The following BAZ2B variants were observed in gnomAD, a reference collection of about 807,000 sequenced individuals.
The protein encoded by BAZ2B is bromodomain adjacent to zinc finger domain 2B.
BAZ2B carries 91 observed loss-of-function variants against 246.0 expected under a neutral mutation model. The ratio of observed to expected loss-of-function variants is 0.37; its 90% confidence interval spans 0.31 to 0.44. BAZ2B has a LOEUF of 0.44. Ranked by LOEUF, BAZ2B falls within the 20% of genes least tolerant of loss-of-function variation. The pLI is 1.00. For synonymous variants in BAZ2B, 855 were observed against 860.0 expected (o/e 0.99, Z 0.10); for missense variants, 2,332 against 2,533.7 (o/e 0.92, Z 1.71).
chr2:159,514,981 C>G (rs1223318009), intron 2 of BAZ2B, among the ~76,000 whole-genome samples: 1 of 151,910 alleles, frequency 6.6e-6, no homozygotes, highest in Non-Finnish European at 1.5e-5. Context: ...CTAAAATAAC[C>G]CTGATAAGCA....
chr2:159,356,296 G>T (rs1266821705), intron 27 of BAZ2B, among the ~76,000 whole-genome samples: 1 of 152,210 alleles, frequency 6.6e-6, no homozygotes, highest in South Asian at 2.1e-4. Context: ...GCTTGAGCTT[G>T]GGTGTGGGAA....
At position 159,453,763 on chromosome 2, in the gene BAZ2B, G is replaced by A. The variant is rs1559480058; in HGVS notation, c.184C>T (p.Leu62=). 1 of 1,611,688 alleles carries A rather than the reference G, an allele frequency of 6.2e-7. No homozygotes were observed. The highest frequency in any genetic ancestry group is 8.5e-7 in the Non-Finnish European group (1 of 1,178,860). Residue 62 remains leucine (L), a synonymous_variant, in exon 4 of 37, where the codon CTG becomes TTG. Coordinates refer to ENST00000392783, the MANE Select transcript of BAZ2B (RefSeq NM_013450.4). ...GGGAAGGCACTCGACACTGTGGACAGGTTAAACGGTTGATCCCCAGCTGTT... is the reference window on the plus strand; with the variant it reads ...GGGAAGGCACTCGACACTGTGGACAAGTTAAACGGTTGATCCCCAGCTGTT... ...FRTAGDQPFN[L]STVSSAFPMV...
intron 1 of BAZ2B, among the ~76,000 whole-genome samples, chr2:159,586,805 A>G (rs911660680): frequency 6.6e-6 from 1 of 152,184 alleles, no homozygotes; most frequent in Non-Finnish European, 1.5e-5. Flanking sequence ...GGCTTGCATA[A>G]TATAAACTCT....
intron 1 of BAZ2B, among the ~76,000 whole-genome samples, chr2:159,589,760 G>T (rs933553714): frequency 6.6e-6 from 1 of 152,140 alleles, no homozygotes; most frequent in Non-Finnish European, 1.5e-5. Flanking sequence ...ATATACTGGT[G>T]ATCCATGCTC....
At chr2:159,491,913 C>A (rs1166003148) in intron 2 of BAZ2B, among the ~76,000 whole-genome samples, 2 of 151,944 alleles carry the variant, frequency 1.3e-5, no homozygotes, top group African/African-American at 4.8e-5. Flanking sequence ...TTATTACCAT[C>A]CTAATTCTTC....
the BAZ2B span, among the ~76,000 whole-genome samples, chr2:159,655,938 G>A: frequency 6.6e-6 from 1 of 151,992 alleles, no homozygotes; most frequent in Admixed American, 6.6e-5. Context: ...GAGGTCCTTT[G>A]CAAAATCTAA....
chr2:159,634,863 C>G, the BAZ2B span, among the ~76,000 whole-genome samples: 2 of 152,296 alleles, frequency 1.3e-5, no homozygotes, highest in South Asian at 4.1e-4. Flanking sequence ...CTTAAAATTA[C>G]TTTTTAAAAC....
At chr2:159,573,407 A>G (rs1319841080) in intron 1 of BAZ2B, among the ~76,000 whole-genome samples, 1 of 152,232 alleles carries the variant, frequency 6.6e-6, no homozygotes, top group African/African-American at 2.4e-5. Context: ...AAACAATTCA[A>G]TGGGGAAAGA....
intron 1 of BAZ2B, among the ~76,000 whole-genome samples, chr2:159,598,277 C>T (rs1266179873): frequency 6.6e-6 from 1 of 152,164 alleles, no homozygotes; most frequent in African/African-American, 2.4e-5. Flanking sequence ...CAGGCGTGAG[C>T]CACTACGCCT....
At chr2:159,568,051 G>A (rs546142194) in intron 1 of BAZ2B, among the ~76,000 whole-genome samples, 2 of 152,282 alleles carry the variant, frequency 1.3e-5, no homozygotes, top group African/African-American at 2.4e-5. Flanking sequence ...TCTGGAAAGT[G>A]CACAATTCAG....
intron 27 of BAZ2B, among the ~76,000 whole-genome samples, chr2:159,357,842 A>G (rs995503760): frequency 1.3e-5 from 2 of 152,232 alleles, no homozygotes; most frequent in African/African-American, 4.8e-5. Context: ...TTTTCAACCC[A>G]GAATTTTGTC....
intron 1 of BAZ2B, among the ~76,000 whole-genome samples, chr2:159,582,531 G>A (rs187148098): frequency 1.1e-4 from 16 of 152,172 alleles, no homozygotes; most frequent in African/African-American, 3.4e-4. Context: ...CAGCAGGCCA[G>A]CACTACAACG....
At chr2:159,522,248 T>C (rs1283405864) in intron 2 of BAZ2B, among the ~76,000 whole-genome samples, 1 of 152,126 alleles carries the variant, frequency 6.6e-6, no homozygotes, top group Non-Finnish European at 1.5e-5. Context: ...AAAATAAGTA[T>C]TAATGTACCC....
intron 8 of BAZ2B, among the ~76,000 whole-genome samples, chr2:159,435,815 G>A (rs1450549207): frequency 6.6e-6 from 1 of 152,216 alleles, no homozygotes; most frequent in African/African-American, 2.4e-5. Flanking sequence ...ATATTTTAAA[G>A]CAGCAGTACT....
chr2:159,369,687 C>A (rs966576414), intron 27 of BAZ2B, among the ~76,000 whole-genome samples: 2 of 152,014 alleles, frequency 1.3e-5, no homozygotes, highest in Non-Finnish European at 2.9e-5. Context: ...TGGGGTAGGG[C>A]TCAGATTGAT....
rs567463022 is a variant in BAZ2B at position 159,482,145 on chromosome 2, A to C, written c.-2-3424T>G. Among the ~76,000 whole-genome samples the C allele has an allele frequency of 1.3e-3, 193 of 151,110 alleles. 1 individual carries two copies. Among genetic ancestry groups the C allele is most frequent in the African/African-American group, 3.7e-3 (153 of 41,246 alleles). On this transcript the variant is annotated intron_variant, in intron 2 of 36. Coordinates refer to ENST00000392783, the MANE Select transcript of BAZ2B (RefSeq NM_013450.4). Reference sequence around the variant, plus strand: ...AAGTAAAAAAACAAACAAAAAAAAAACCCACAAAGTCTTCCATATAGTAAG... The same window carrying C: ...AAGTAAAAAAACAAACAAAAAAAAACCCCACAAAGTCTTCCATATAGTAAG...
intron 3 of BAZ2B, among the ~76,000 whole-genome samples, chr2:159,456,090 T>C (rs2075740615): frequency 1.3e-5 from 2 of 151,982 alleles, no homozygotes; most frequent in East Asian, 1.9e-4. Flanking sequence ...ATTACATGTA[T>C]GTAGTTGTGA....
chr2:159,521,517 C>T (rs2151263722), intron 2 of BAZ2B, among the ~76,000 whole-genome samples: 1 of 152,116 alleles, frequency 6.6e-6, no homozygotes, highest in African/African-American at 2.4e-5. Context: ...CTAATGAAAT[C>T]AACCATCAAC....
intron 1 of BAZ2B, among the ~76,000 whole-genome samples, chr2:159,562,419 T>C (rs1013064869): frequency 1.3e-5 from 2 of 152,340 alleles, no homozygotes; most frequent in East Asian, 3.8e-4. Context: ...TTCCACACTT[T>C]ACCACTCTAT....
Sources: gnomAD v4.1 joint callset for allele counts (sites outside exome capture counted in the v4.1 genomes callset) on GRCh38, gnomAD v4.1.1 for gene constraint, MANE v1.5 for transcripts, NCBI Gene and HGNC (gene_info 2026-07-23, HGNC 2026-07-21) for gene names.